CTNNA2: variants seen among roughly 807,000 people sequenced by gnomAD.
CTNNA2 encodes catenin alpha 2.
In CTNNA2, 42 loss-of-function variants were observed where a neutral mutation model predicts 101.0. The observed-to-expected ratio is 0.42, with a 90% CI of 0.32 to 0.54. CTNNA2 has a LOEUF of 0.54. Ranked by LOEUF, CTNNA2 falls within the 20% of genes least tolerant of loss-of-function variation. CTNNA2 has a pLI of 0.14. For synonymous variants in CTNNA2, 450 were observed against 456.4 expected (o/e 0.99, Z 0.18); for missense variants, 871 against 1,223.1 (o/e 0.71, Z 4.29).
chr2:79,473,795 G>C (rs945265271), intron 4 of CTNNA2, among the ~76,000 whole-genome samples: 1 of 152,052 alleles, frequency 6.6e-6, no homozygotes, highest in African/African-American at 2.4e-5. Flanking sequence ...CAAAAACTTG[G>C]ATCTACTGAG....
intron 4 of CTNNA2, among the ~76,000 whole-genome samples, chr2:79,406,379 C>G (rs559511398): frequency 1.3e-5 from 2 of 152,040 alleles, no homozygotes; most frequent in African/African-American, 4.8e-5. Flanking sequence ...GACTTAAAAG[C>G]GCAGCTTCTA....
intron 9 of CTNNA2, among the ~76,000 whole-genome samples, chr2:80,512,818 T>C (rs1183058656): frequency 6.6e-6 from 1 of 152,144 alleles, no homozygotes; most frequent in Non-Finnish European, 1.5e-5. Flanking sequence ...CTCTTATATA[T>C]AATGTTAATA....
intron 3 of CTNNA2, among the ~76,000 whole-genome samples, chr2:79,751,788 A>G (rs1266553057): frequency 6.6e-6 from 1 of 151,906 alleles, no homozygotes; most frequent in East Asian, 1.9e-4. Flanking sequence ...CTTCATGAAA[A>G]CCTGACTAAA....
intron 3 of CTNNA2, among the ~76,000 whole-genome samples, chr2:79,321,039 A>G (rs1573074674): frequency 6.6e-6 from 1 of 152,290 alleles, no homozygotes; most frequent in Non-Finnish European, 1.5e-5. Context: ...ATAATACTGT[A>G]ATGGATTTGG....
At chr2:80,114,468 T>C (rs932776470) in intron 7 of CTNNA2, among the ~76,000 whole-genome samples, 1 of 152,334 alleles carries the variant, frequency 6.6e-6, no homozygotes, top group Non-Finnish European at 1.5e-5. Flanking sequence ...TTACCCAGGA[T>C]CTGTGTTCCA....
intron 4 of CTNNA2, among the ~76,000 whole-genome samples, chr2:79,489,964 G>C (rs991217252): frequency 6.6e-6 from 1 of 152,076 alleles, no homozygotes; most frequent in African/African-American, 2.4e-5. Flanking sequence ...GTAATTTTCA[G>C]TTTATGCATT....
intron 1 of CTNNA2, among the ~76,000 whole-genome samples, chr2:79,186,712 C>T (rs189233748): frequency 9.9e-5 from 15 of 152,270 alleles, no homozygotes; most frequent in Admixed American, 3.9e-4. Context: ...GGAAACAGTA[C>T]GCCAGTTTCT....
chr2:79,768,923 C>G (rs372101652), intron 3 of CTNNA2, among the ~76,000 whole-genome samples: 1 of 152,068 alleles, frequency 6.6e-6, no homozygotes, highest in Non-Finnish European at 1.5e-5. Flanking sequence ...GGCGCCATCT[C>G]GGCTCACTGC....
At chr2:80,502,752 A>G (rs956609078) in intron 9 of CTNNA2, among the ~76,000 whole-genome samples, 2 of 152,108 alleles carry the variant, frequency 1.3e-5, no homozygotes, top group African/African-American at 4.8e-5. Context: ...AAAGAAGACA[A>G]ATGGCCCTTC....
At chr2:79,630,019 G>T (rs1426525110) in intron 1 of CTNNA2, among the ~76,000 whole-genome samples, 1 of 152,102 alleles carries the variant, frequency 6.6e-6, no homozygotes, top group East Asian at 1.9e-4. Flanking sequence ...ATCATCCTAG[G>T]GCTAGGTATC....
intron 4 of CTNNA2, among the ~76,000 whole-genome samples, chr2:79,428,928 A>G (rs1425542946): frequency 1.3e-5 from 2 of 152,126 alleles, no homozygotes; most frequent in Non-Finnish European, 2.9e-5. Context: ...TGAGAAGAGG[A>G]GCTGATTGCA....
intron 4 of CTNNA2, among the ~76,000 whole-genome samples, chr2:79,497,212 C>T (rs865989619): frequency 6.6e-6 from 1 of 152,194 alleles, no homozygotes; most frequent in Non-Finnish European, 1.5e-5. Flanking sequence ...ACATGGAGAC[C>T]GTACTCTCCC....
chr2:79,528,858 A>T (rs544637471), intron 1 of CTNNA2, among the ~76,000 whole-genome samples: 1 of 152,314 alleles, frequency 6.6e-6, no homozygotes, highest in East Asian at 1.9e-4. Context: ...TCTATTTACG[A>T]TACCAAGATA....
At chr2:79,665,899 A>T (rs564279042) in intron 2 of CTNNA2, among the ~76,000 whole-genome samples, 1 of 152,334 alleles carries the variant, frequency 6.6e-6, no homozygotes, top group East Asian at 1.9e-4. Context: ...TGTAGCTGTT[A>T]TTGTAAATGT....
chr2:79,675,907 C>T (rs1291944323), intron 2 of CTNNA2, among the ~76,000 whole-genome samples: 1 of 152,196 alleles, frequency 6.6e-6, no homozygotes, highest in Non-Finnish European at 1.5e-5. Flanking sequence ...AAAACATGTT[C>T]CTAATCAATG....
chr2:79,514,396 GA>G (rs1369252321), intron 1 of CTNNA2, among the ~76,000 whole-genome samples: 1 of 152,192 alleles, frequency 6.6e-6, no homozygotes, highest in African/African-American at 2.4e-5. Flanking sequence ...TGTTTAAAGA[GA>G]AACATGCTGT....
chr2:80,580,243 C>T (rs1358632778), intron 13 of CTNNA2, among the ~76,000 whole-genome samples: 1 of 152,156 alleles, frequency 6.6e-6, no homozygotes, highest in Non-Finnish European at 1.5e-5. Context: ...ATGGTAAGCA[C>T]TTAATGCACA....
intron 15 of CTNNA2, among the ~76,000 whole-genome samples, chr2:80,594,524 T>G (rs901255053): frequency 1.3e-5 from 2 of 151,476 alleles, no homozygotes; most frequent in African/African-American, 4.8e-5. Flanking sequence ...GTTCAACATC[T>G]TTTTTTTTCT....
chr2:79,534,275 G>T (rs1672921134), intron 1 of CTNNA2, among the ~76,000 whole-genome samples: 1 of 151,536 alleles, frequency 6.6e-6, no homozygotes, highest in East Asian at 1.9e-4. Context: ...ATTATTTTTG[G>T]CTTTTATTTG....
Sources: gnomAD v4.1 joint callset for allele counts (sites outside exome capture counted in the v4.1 genomes callset) on GRCh38, gnomAD v4.1.1 for gene constraint, MANE v1.5 for transcripts, NCBI Gene and HGNC (gene_info 2026-07-23, HGNC 2026-07-21) for gene names.